The following MLXIP variants were observed in gnomAD, a reference collection of about 807,000 sequenced individuals.
MLXIP encodes MLX-interacting protein.
MLXIP carries 30 observed loss-of-function variants against 87.2 expected under a neutral mutation model. The ratio of observed to expected loss-of-function variants is 0.34; its 90% confidence interval spans 0.26 to 0.47. The LOEUF is 0.47. Ranked by LOEUF, MLXIP falls within the 20% of genes least tolerant of loss-of-function variation. The pLI is 1.00. For missense variants in MLXIP, 1,002 were observed against 1,240.1 expected (o/e 0.81, Z 2.88); for synonymous variants, 530 against 514.0 (o/e 1.03, Z -0.42).
chr12:122,082,379 C>T (rs926861765), intron 1 of MLXIP, among the ~76,000 whole-genome samples: 12 of 152,122 alleles, frequency 7.9e-5, no homozygotes, highest in Non-Finnish European at 2.9e-5. Flanking sequence ...CCTTATTTTT[C>T]CTTAGACTTA....
At chr12:122,131,297 G>A (rs921370505) in intron 7 of MLXIP, among the ~76,000 whole-genome samples, 2 of 152,018 alleles carry the variant, frequency 1.3e-5, no homozygotes, top group Non-Finnish European at 2.9e-5. Context: ...GTGTTTCAGA[G>A]CCCAGGATAG....
At chr12:122,113,197 A>C (rs541888273) in intron 1 of MLXIP, among the ~76,000 whole-genome samples, 1 of 152,364 alleles carries the variant, frequency 6.6e-6, no homozygotes, top group Non-Finnish European at 1.5e-5. Flanking sequence ...AAAATGGGTT[A>C]TAAAACAAAC....
intron 7 of MLXIP, 86 bp downstream of exon 7, chr12:122,131,019 G>A (rs977403274): frequency 2.8e-5 from 25 of 901,914 alleles, no homozygotes; most frequent in South Asian, 1.7e-4. Context: ...TTTAAGAGGC[G>A]AGACTTGGTA....
chr12:122,139,066 G>A (rs1953149756), intron 15 of MLXIP, 128 bp downstream of exon 15: 1 of 1,385,720 alleles, frequency 7.2e-7, no homozygotes, highest in Non-Finnish European at 9.7e-7. Context: ...ACGACAGGCA[G>A]TGCTAGTGTC....
intron 1 of MLXIP, among the ~76,000 whole-genome samples, chr12:122,101,869 G>A (rs1485218403): frequency 9.2e-5 from 14 of 152,068 alleles, no homozygotes; most frequent in South Asian, 2.1e-4. Context: ...GTGAGCCACC[G>A]CGCCCGGCCT....
Position 122,133,850 on chromosome 12 carries a change from C to T in MLXIP, c.1595C>T (p.Pro532Leu). The T allele has an allele frequency of 6.2e-7, 1 of 1,612,970 alleles. No individual in the cohort carries two copies. The highest frequency in any genetic ancestry group is 8.5e-7 in the Non-Finnish European group (1 of 1,179,592). The change falls in exon 9 of 17, where the codon CCC becomes CTC. Residue 532 changes from proline to leucine, a missense_variant. This residue lies in a region of MLXIP where 746 missense variants were observed against 897.0 expected (regional missense o/e 0.83). Coordinates refer to ENST00000319080, the MANE Select transcript of MLXIP (RefSeq NM_014938.6). This position sits in a 1 kb window ranked among gnomAD's most constrained non-coding sequence, Gnocchi z 4.9. ...GLALSPVTRP[P>L]QPRLTFVHPK... Reference sequence around the variant, plus strand: ...GCACTGTCTCCTGTCACCCGGCCTCCCCAGCCACGGTTAACTTTTGTGCAC... The same window carrying T: ...GCACTGTCTCCTGTCACCCGGCCTCTCCAGCCACGGTTAACTTTTGTGCAC...
chr12:122,099,125 T>C (rs1952398503), intron 1 of MLXIP, among the ~76,000 whole-genome samples: 1 of 152,088 alleles, frequency 6.6e-6, no homozygotes, highest in Non-Finnish European at 1.5e-5. Flanking sequence ...TGGCCCCAGC[T>C]ACTTGGGAGG....
intron 1 of MLXIP, among the ~76,000 whole-genome samples, chr12:122,096,230 G>A (rs1207245269): frequency 2.6e-5 from 4 of 152,032 alleles, no homozygotes; most frequent in Non-Finnish European, 5.9e-5. Context: ...GGTGTGCACC[G>A]CCACACCCGG....
chr12:122,098,641 C>G (rs1257197519), intron 1 of MLXIP, among the ~76,000 whole-genome samples: 1 of 152,162 alleles, frequency 6.6e-6, no homozygotes, highest in Non-Finnish European at 1.5e-5. Flanking sequence ...TTTTTTTCCT[C>G]CTTTTTAACA....
intron 1 of MLXIP, among the ~76,000 whole-genome samples, chr12:122,117,822 T>G (rs189421002): frequency 6.6e-6 from 1 of 152,294 alleles, no homozygotes; most frequent in East Asian, 1.9e-4. Flanking sequence ...AAAGCTTAAT[T>G]TATAAGTTAG....
intron 1 of MLXIP, among the ~76,000 whole-genome samples, chr12:122,086,339 C>G (rs1952167989): frequency 6.6e-6 from 1 of 152,140 alleles, no homozygotes; most frequent in African/African-American, 2.4e-5. Context: ...GGAGCCCACC[C>G]CGGGCTTAAG....
intron 1 of MLXIP, among the ~76,000 whole-genome samples, chr12:122,079,644 C>A (rs964290912): frequency 9.8e-5 from 15 of 152,358 alleles, no homozygotes; most frequent in African/African-American, 3.6e-4. Context: ...GCGGTCAGGA[C>A]CACCTGTTCG....
rs1444378810 is a variant in MLXIP at position 122,137,622 on chromosome 12, A to T, written c.2154+32A>T. The T allele has an allele frequency of 6.2e-7, 1 of 1,608,368 alleles. No individual in the cohort carries two copies. The highest frequency in any genetic ancestry group is 1.7e-5 in the Admixed American group (1 of 59,490). ...CATGTCTCCTCTTGGTTCCCTTGGG[A>T]GGAGGGGAGAGGAGTGCAGGACATC... On this transcript the variant is annotated intron_variant, in intron 12 of 16. Coordinates refer to ENST00000319080, the MANE Select transcript of MLXIP (RefSeq NM_014938.6). The surrounding 1 kb of genome is among the most constrained non-coding windows in gnomAD (Gnocchi z 4.1).
In MLXIP at chr12:122,145,953, C is replaced by G. The variant is rs1410821211; in HGVS notation, c.*4141C>G. ...CGCTGCCTCGCCCGCCTGAGGCCTC[C>G]TAGCAGGCAGCCTGGGTGTGAGTTG... On this transcript the variant is annotated 3_prime_UTR_variant, in exon 17 of 17. Transcript: ENST00000319080. 1 of 152,396 alleles carries G rather than the reference C, an allele frequency of 6.6e-6. No individual in the cohort carries two copies. The highest frequency in any genetic ancestry group is 1.5e-5 in the Non-Finnish European group (1 of 68,204). The allele number at this position is 152,396 out of a possible 1,614,324, so 9.4% of individuals were successfully genotyped here.
At chr12:122,123,637 C>G (rs1952820467) in intron 1 of MLXIP, among the ~76,000 whole-genome samples, 2 of 152,134 alleles carry the variant, frequency 1.3e-5, no homozygotes, top group Non-Finnish European at 2.9e-5. Context: ...GGTATGACAC[C>G]CTCTGCCCTC....
chr12:122,134,228 T>C, intron 9 of MLXIP: 1 of 546,212 alleles, frequency 1.8e-6, no homozygotes, highest in Non-Finnish European at 3.1e-6. Context: ...TGAGACAGTC[T>C]CTGTTGCCCA....
At chr12:122,128,023 G>T in intron 3 of MLXIP, 55 bp downstream of exon 3, 2 of 1,483,528 alleles carry the variant, frequency 1.3e-6, no homozygotes, top group South Asian at 1.1e-5. Context: ...GCACCTCACC[G>T]GGAGTGGCTC....
At chr12:122,134,120 T>G in intron 9 of MLXIP, 133 bp downstream of exon 9, 1 of 1,049,488 alleles carries the variant, frequency 9.5e-7, no homozygotes, top group Non-Finnish European at 1.3e-6. Context: ...CACATACACT[T>G]AAATGAAACA....
At chr12:122,083,541 A>G (rs1293310226) in intron 1 of MLXIP, among the ~76,000 whole-genome samples, 4 of 152,140 alleles carry the variant, frequency 2.6e-5, no homozygotes, top group Admixed American at 6.5e-5. Context: ...CAGCCTCCCA[A>G]GTAGCAAGGA....
Sources: gnomAD v4.1 joint callset for allele counts (sites outside exome capture counted in the v4.1 genomes callset) on GRCh38, gnomAD v4.1.1 for gene constraint, gnomAD v4.1.1 regional missense constraint, Gnocchi (gnomAD v3.1) non-coding constraint, MANE v1.5 for transcripts, NCBI Gene and HGNC (gene_info 2026-07-23, HGNC 2026-07-21) for gene names.